The following SCYL3 variants were observed in gnomAD, a reference collection of about 807,000 sequenced individuals.
SCYL3 encodes SCY1 like pseudokinase 3.
A neutral mutation model predicts 73.8 loss-of-function variants in SCYL3; 35 were observed. The observed-to-expected ratio is 0.47, with a 90% CI of 0.36 to 0.63. The LOEUF is 0.63. Ranked by LOEUF, SCYL3 falls within the 20% of genes least tolerant of loss-of-function variation. SCYL3 has a pLI of 0.00. For missense variants in SCYL3, 712 were observed against 798.9 expected (o/e 0.89, Z 1.31); for synonymous variants, 277 against 295.2 (o/e 0.94, Z 0.63).
intron 2 of SCYL3, among the ~76,000 whole-genome samples, chr1:169,882,590 G>A (rs112951639): frequency 0.12 from 17,763 of 152,218 alleles, 1,213 homozygotes; most frequent in Admixed American, 0.19. Context: ...TGGTGGGGAC[G>A]TGGGGAACCT....
intron 11 of SCYL3, 136 bp from the exon 12 acceptor site, chr1:169,855,100 A>G (rs1311083573): frequency 1.6e-6 from 1 of 608,698 alleles, no homozygotes; most frequent in Non-Finnish European, 2.8e-6. Flanking sequence ...AACAAAAGAG[A>G]TCCCAGCAGA....
chr1:169,853,872 A>G (rs1347318996), intron 12 of SCYL3, 100 bp from the exon 13 acceptor site: 90 of 1,358,302 alleles, frequency 6.6e-5, no homozygotes, highest in Admixed American at 4.0e-4. Context: ...TTATCTTTTG[A>G]TGCCAGAAAC....
Position 169,853,074 on chromosome 1 carries a change from T to G in SCYL3, c.*639A>C. ...CATTTTCTAACAGATATAAAACAAA[T>G]TTTGTAAAGTTGAATCTAGTGAAAA... is the stretch of plus-strand genomic sequence containing the variant. On this transcript the variant is annotated 3_prime_UTR_variant, in exon 13 of 13. Transcript: ENST00000367771. The G allele has an allele frequency of 7.8e-7, 1 of 1,275,010 alleles. No homozygotes were observed. The highest frequency in any genetic ancestry group is 1.1e-6 in the Non-Finnish European group (1 of 899,002). 79.0% of individuals were successfully genotyped at this position (1,275,010 alleles called of 1,614,324 possible).
chr1:169,863,353 T>C (rs1046160074), intron 9 of SCYL3, among the ~76,000 whole-genome samples: 2 of 152,238 alleles, frequency 1.3e-5, no homozygotes, highest in Non-Finnish European at 2.9e-5. Context: ...ACAAAGCTTG[T>C]ATTTTAACAG....
Position 169,854,365 on chromosome 1 carries a change from A to T in SCYL3, c.1912T>A (p.Leu638Ile). Residue 638 changes from leucine (L) to isoleucine (I), a missense_variant, in exon 12 of 13, where the codon TTA (leucine) becomes ATA (isoleucine). Leu to Ile is a conservative substitution (Grantham distance 5). Coordinates refer to ENST00000367771, the MANE Select transcript of SCYL3 (RefSeq NM_020423.7). ...EIKPSAAFLI[L>I]PELRTEMVPK... ...ACCATTTCTGTCCTCAGTTCAGGTAATATAAGAAAAGCAGCAGAAGGCTTA... is the reference window on the plus strand; with the variant it reads ...ACCATTTCTGTCCTCAGTTCAGGTATTATAAGAAAAGCAGCAGAAGGCTTA... 1 of 1,614,048 alleles carries T rather than the reference A, an allele frequency of 6.2e-7. No homozygotes were observed. Among genetic ancestry groups the T allele is most frequent in the Non-Finnish European group, 8.5e-7 (1 of 1,179,960 alleles).
intron 12 of SCYL3, chr1:169,854,058 G>T (rs763046596): frequency 5.0e-5 from 29 of 576,414 alleles, no homozygotes; most frequent in Non-Finnish European, 8.0e-5. Flanking sequence ...AAATAAAAAG[G>T]TTACAATAGC....
In SCYL3 at chr1:169,851,179, G is replaced by C. The variant is rs185422154; in HGVS notation, c.*2534C>G. 4 of 151,472 alleles carry C rather than the reference G, an allele frequency of 2.6e-5. No homozygotes were observed. The highest frequency in any genetic ancestry group is 5.9e-5 in the Non-Finnish European group (4 of 67,680). 9.4% of individuals were successfully genotyped at this position (151,472 alleles called of 1,614,324 possible). On this transcript the variant is annotated 3_prime_UTR_variant, in exon 13 of 13. Coordinates refer to ENST00000367771, the MANE Select transcript of SCYL3 (RefSeq NM_020423.7). Reference sequence around the variant, plus strand: ...GTCTATGCATACTTGGGAACTTAGTGTGAGGAAATAATAGTTAATTGAAAT... The same window carrying C: ...GTCTATGCATACTTGGGAACTTAGTCTGAGGAAATAATAGTTAATTGAAAT...
intron 12 of SCYL3, chr1:169,854,039 T>C (rs2102121853): frequency 1.8e-6 from 1 of 566,282 alleles, no homozygotes; most frequent in Middle Eastern, 4.5e-4. Flanking sequence ...TCCCTTTTTT[T>C]TCTTTTTCAA....
intron 10 of SCYL3, among the ~76,000 whole-genome samples, chr1:169,860,915 A>C (rs1441792944): frequency 1.3e-5 from 2 of 152,108 alleles, no homozygotes; most frequent in Non-Finnish European, 2.9e-5. Flanking sequence ...AGCACACACA[A>C]ATTGGCCCAC....
rs758290483 is a variant in SCYL3, at chr1:169,850,258, T to G, written c.*3455A>C. ...AAAATTGGTCTTGTTCATCAATTTTTTAATAGGGAACAAATCATGAAGAGA... is the reference window on the plus strand; with the variant it reads ...AAAATTGGTCTTGTTCATCAATTTTGTAATAGGGAACAAATCATGAAGAGA... On this transcript the variant is annotated 3_prime_UTR_variant, in exon 13 of 13. Transcript: ENST00000367771. 95 of 1,596,756 alleles carry G rather than the reference T, an allele frequency of 5.9e-5. No homozygotes were observed. The highest frequency in any genetic ancestry group is 8.0e-5 in the Non-Finnish European group (93 of 1,167,556).
intron 12 of SCYL3, chr1:169,854,051 T>TAAA (rs1658837940): frequency 1.8e-6 from 1 of 566,168 alleles, no homozygotes; most frequent in East Asian, 3.0e-5. Flanking sequence ...CTTTTTCAAA[T>TAAA]AAAAAGGTTA....
At chr1:169,871,870 A>G (rs1660430952) in intron 5 of SCYL3, among the ~76,000 whole-genome samples, 1 of 152,218 alleles carries the variant, frequency 6.6e-6, no homozygotes, top group Non-Finnish European at 1.5e-5. Flanking sequence ...GATTTAGGGT[A>G]TCTGGCGGAA....
chr1:169,861,737 T>C (rs1348287991), intron 10 of SCYL3, among the ~76,000 whole-genome samples: 1 of 152,220 alleles, frequency 6.6e-6, no homozygotes, highest in Non-Finnish European at 1.5e-5. Flanking sequence ...AAAGACACCA[T>C]GTGATTGTAG....
chr1:169,850,278 A>T lies in SCYL3; in HGVS notation c.*3435T>A. On this transcript the variant is annotated 3_prime_UTR_variant, in exon 13 of 13. Transcript: ENST00000367771. ...ATTTTTTAATAGGGAACAAATCATGAAGAGATAGTTCCACAGTGTCTCAGT... is the reference window on the plus strand; with the variant it reads ...ATTTTTTAATAGGGAACAAATCATGTAGAGATAGTTCCACAGTGTCTCAGT... 6.2e-7 allele frequency: 1 copy of T among 1,609,044 alleles called. No individual in the cohort carries two copies. Among genetic ancestry groups the T allele is most frequent in the Non-Finnish European group, 8.5e-7 (1 of 1,175,904 alleles).
intron 8 of SCYL3, among the ~76,000 whole-genome samples, chr1:169,865,989 A>G (rs1364207256): frequency 2.6e-5 from 4 of 152,144 alleles, no homozygotes; most frequent in South Asian, 2.1e-4. Context: ...ATCACCAACT[A>G]TAGGCTGATA....
Position 169,888,732 on chromosome 1 carries a change from C to A in SCYL3, c.109G>T (p.Ala37Ser), listed in dbSNP as rs1178016918. ...TCTCTCTTATACACAAAAACTGAAGCAAATTTGCCATCTTGCAGTACAGCG... is the reference window on the plus strand; with the variant it reads ...TCTCTCTTATACACAAAAACTGAAGAAAATTTGCCATCTTGCAGTACAGCG... The part of the protein sequence containing the change: ...YPAVLQDGKF[A>S]SVFVYKRENE... Residue 37 changes from alanine (A) to serine (S), a missense_variant, in exon 2 of 13, where the codon GCT (alanine) becomes TCT (serine). Ala to Ser is a moderately conservative substitution (Grantham distance 99). Transcript: ENST00000367771. 3 of 1,614,044 alleles carry A rather than the reference C, an allele frequency of 1.9e-6. No homozygotes were observed. In the South Asian group the frequency reaches 3.3e-5, roughly 18 times the overall value.
chr1:169,878,914 G>T, intron 2 of SCYL3, 95 bp from the exon 3 acceptor site: 1 of 1,109,356 alleles, frequency 9.0e-7, no homozygotes, highest in Non-Finnish European at 1.3e-6. Context: ...ATGTATACTT[G>T]CAGTTAAGGC....
intron 10 of SCYL3, among the ~76,000 whole-genome samples, chr1:169,860,342 G>A (rs1659535722): frequency 6.6e-6 from 1 of 152,216 alleles, no homozygotes; most frequent in Admixed American, 6.5e-5. Flanking sequence ...TATCAGGCAA[G>A]TACTGCTCTG....
At chr1:169,864,084 T>C (rs1010342837) in intron 9 of SCYL3, among the ~76,000 whole-genome samples, 12 of 152,174 alleles carry the variant, frequency 7.9e-5, no homozygotes, top group African/African-American at 2.9e-4. Flanking sequence ...TAAAAGTTCT[T>C]TGAAGATGCA....
Sources: gnomAD v4.1 joint callset for allele counts (sites outside exome capture counted in the v4.1 genomes callset) on GRCh38, gnomAD v4.1.1 for gene constraint, MANE v1.5 for transcripts, NCBI Gene and HGNC (gene_info 2026-07-23, HGNC 2026-07-21) for gene names.